The following LRRC25 variants were observed in gnomAD, a reference collection of about 807,000 sequenced individuals.
The protein encoded by LRRC25 is leucine-rich repeat-containing protein 25.
LRRC25 carries 5 observed loss-of-function variants against 18.8 expected under a neutral mutation model. The ratio of observed to expected loss-of-function variants is 0.27; its 90% CI spans 0.14 to 0.56. The LOEUF (loss-of-function observed/expected upper bound fraction) is 0.56, where lower values mean the gene tolerates loss of function less well. Ranked by LOEUF, LRRC25 falls within the 20% of genes least tolerant of loss-of-function variation. The probability of loss-of-function intolerance (pLI) is 0.93; values close to 1 mark genes in which losing one functional copy is unlikely to be tolerated. For missense variants in LRRC25, 341 were observed against 389.8 expected (o/e 0.87, Z 1.05); for synonymous variants, 161 against 176.8 (o/e 0.91, Z 0.71).
chr19:18,394,902 A>AC (rs1205995268), intron 1 of LRRC25, among the ~76,000 whole-genome samples: 2 of 151,684 alleles, frequency 1.3e-5, no homozygotes, highest in African/African-American at 2.4e-5. Flanking sequence ...ATATAGCAAG[A>AC]CCCCCGTCTC....
Position 18,395,869 on chromosome 19 carries a change from C to T in LRRC25, c.779+316G>A, listed in dbSNP as rs201068601. The stretch of plus-strand genomic sequence containing the variant: ...CTCAGTAGCTGGAACCACAGGCGCC[C>T]GCCACCACACCTGGCTAATTTTTGT... On this transcript the variant is annotated intron_variant, in intron 1 of 1. Coordinates refer to ENST00000339007, the MANE Select transcript of LRRC25 (RefSeq NM_145256.3). 4.0e-4 allele frequency among the ~76,000 whole-genome samples: 61 copies of T among 152,188 alleles called. No individual in the cohort carries two copies. In the East Asian group the frequency reaches 0.011, roughly 27 times the overall value.
At chr19:18,395,647 T>C (rs1971958818) in intron 1 of LRRC25, among the ~76,000 whole-genome samples, 1 of 152,158 alleles carries the variant, frequency 6.6e-6, no homozygotes, top group Non-Finnish European at 1.5e-5. Context: ...GTTTGTCCCA[T>C]ATATGGGAAC....
At chr19:18,396,131 G>T in intron 1 of LRRC25, 54 bp downstream of exon 1, 3 of 1,534,192 alleles carry the variant, frequency 2.0e-6, no homozygotes, top group Non-Finnish European at 2.6e-6. Context: ...CGGCCATCTG[G>T]GTGTGGAGCC....
chr19:18,395,187 C>A (rs1016421247), intron 1 of LRRC25, among the ~76,000 whole-genome samples: 1 of 151,944 alleles, frequency 6.6e-6, no homozygotes, highest in South Asian at 2.1e-4. Context: ...CTGGCTAACA[C>A]GGTGAAACCC....
chr19:18,396,358 G>A lies in LRRC25; in HGVS notation c.606C>T (p.Asn202=). 2.5e-6 allele frequency: 4 copies of A among 1,613,812 alleles called. No homozygotes were observed. Among genetic ancestry groups the A allele is most frequent in the Non-Finnish European group, 3.4e-6 (4 of 1,180,006 alleles). The change falls in exon 1 of 2, where the codon AAC becomes AAT. Residue 202 remains asparagine (N), a synonymous_variant. Coordinates refer to ENST00000339007, the MANE Select transcript of LRRC25 (RefSeq NM_145256.3). ...RCRVARSREL[N]KPWAAQDGPK... ...GCCCATCCTGAGCAGCCCAGGGTTT[G>A]TTCAGCTCCCGGCTTCTGGCCACTC... is the stretch of plus-strand genomic sequence containing the variant.
intron 1 of LRRC25, among the ~76,000 whole-genome samples, chr19:18,393,955 T>C (rs891927584): frequency 2.0e-5 from 3 of 152,116 alleles, no homozygotes; most frequent in African/African-American, 7.2e-5. Context: ...CTTTTGCGAG[T>C]CCAGTGTCTT....
intron 1 of LRRC25, among the ~76,000 whole-genome samples, chr19:18,395,370 CAAAAA>C (rs11334806): frequency 9.5e-6 from 1 of 105,696 alleles, no homozygotes; most frequent in Non-Finnish European, 2.0e-5. Flanking sequence ...GACTCCATCT[CAAAAA>C]AAAAAAAAAA....
intron 1 of LRRC25, among the ~76,000 whole-genome samples, chr19:18,393,094 C>T (rs1044646298): frequency 1.3e-5 from 2 of 152,222 alleles, no homozygotes; most frequent in African/African-American, 4.8e-5. Context: ...CACATGCACA[C>T]AAGTGGCTGC....
chr19:18,393,356 C>T (rs556353460), intron 1 of LRRC25, among the ~76,000 whole-genome samples: 117 of 152,350 alleles, frequency 7.7e-4, no homozygotes, highest in African/African-American at 2.6e-3. Flanking sequence ...GGTGCGGTGG[C>T]TCACGCCTAT....
Position 18,396,262 on chromosome 19 carries a change from T to C in LRRC25, c.702A>G (p.Pro234=), listed in dbSNP as rs754244073. The C allele has an allele frequency of 2.5e-6, 4 of 1,613,502 alleles. No homozygotes were observed. The highest frequency in any genetic ancestry group is 2.7e-5 in the African/African-American group (2 of 74,922). ...RSAPKPQVAV[P]SCPSTPDYEN... is the part of the protein sequence containing the mutation. ...CATAGTCGGGAGTGGAGGGGCAGGA[T>C]GGCACGGCCACTTGGGGCTTGGGGG... is the stretch of plus-strand genomic sequence containing the variant. Residue 234 remains proline, a synonymous_variant, in exon 1 of 2, where the codon CCA becomes CCG. Coordinates refer to ENST00000339007, the MANE Select transcript of LRRC25 (RefSeq NM_145256.3).
At position 18,396,609 on chromosome 19, in the gene LRRC25, C is replaced by A. The variant is rs1362822875; in HGVS notation, c.355G>T (p.Ala119Ser). 6.2e-7 allele frequency: 1 copy of A among 1,613,980 alleles called. No individual in the cohort carries two copies. Among genetic ancestry groups the A allele is most frequent in the Admixed American group, 1.7e-5 (1 of 60,024 alleles). The change falls in exon 1 of 2, where the codon GCC becomes TCC. Residue 119 changes from alanine (A) to serine (S), a missense_variant. Ala to Ser is a moderately conservative substitution (Grantham distance 99). Transcript: ENST00000339007. ...CGGATGTCGTGCCAGGACTCCAGGGCACAGTTGCAGTCGGCCTGCAGGTCA... is the reference window on the plus strand; with the variant it reads ...CGGATGTCGTGCCAGGACTCCAGGGAACAGTTGCAGTCGGCCTGCAGGTCA... ...DLDLQADCNC[A>S]LESWHDIRRD...
chr19:18,396,885 C>T lies in LRRC25; in HGVS notation c.79G>A (p.Val27Met), dbSNP rs1021988632. The T allele has an allele frequency of 5.0e-6, 8 of 1,613,492 alleles. No individual in the cohort carries two copies. In the African/African-American group the frequency reaches 6.7e-5, roughly 13 times the overall value. ...TTCCAGTCCACATCCGCGGAGGACA[C>T]GGTGCACGACGGTTCTAGGCTGTCT... is the stretch of plus-strand genomic sequence containing the variant. ...ESDSLEPSCT[V>M]SSADVDWNAE... is the part of the protein sequence containing the mutation. Residue 27 changes from valine to methionine, a missense_variant, in exon 1 of 2, where the codon GTG becomes ATG. By Grantham distance (21) the Val-to-Met change is conservative. Coordinates refer to ENST00000339007, the MANE Select transcript of LRRC25 (RefSeq NM_145256.3).
chr19:18,397,034 C>G lies in LRRC25; in HGVS notation c.-71G>C, dbSNP rs1971981348. ...GCCCTGTGGTCGCCCTCGCCTCCAC[C>G]GCCAGTGTTTATTATTATAGCTCAG... On this transcript the variant is annotated 5_prime_UTR_variant, in exon 1 of 2. Transcript: ENST00000339007. 5 of 1,449,332 alleles carry G rather than the reference C, an allele frequency of 3.4e-6. No individual in the cohort carries two copies. Among genetic ancestry groups the G allele is most frequent in the Non-Finnish European group, 4.6e-6 (5 of 1,076,116 alleles). 89.8% of individuals were successfully genotyped at this position (1,449,332 alleles called of 1,614,324 possible). A position where few individuals can be genotyped will look rare whatever the true frequency, so the allele number is the denominator to read the frequency against.
rs1971903256 is a variant in LRRC25, at chr19:18,391,832, G to A, written c.*155C>T. The stretch of plus-strand genomic sequence containing the variant: ...AGCTGAGGAGCGGCATGAGGGACAG[G>A]GAGGGGGCGGCAGAGCTTCCTGGGG... On this transcript the variant is annotated 3_prime_UTR_variant, in exon 2 of 2. Coordinates refer to ENST00000339007, the MANE Select transcript of LRRC25 (RefSeq NM_145256.3). 1.2e-6 allele frequency: 1 copy of A among 828,610 alleles called. No homozygotes were observed. The highest frequency in any genetic ancestry group is 2.8e-5 in the East Asian group (1 of 35,974). The allele number at this position is 828,610 out of a possible 1,614,324, so 51.3% of individuals were successfully genotyped here. A position where few individuals can be genotyped will look rare whatever the true frequency, so the allele number is the denominator to read the frequency against.
intron 1 of LRRC25, among the ~76,000 whole-genome samples, chr19:18,392,972 AGAGG>A (rs1456172840): frequency 2.0e-5 from 3 of 152,186 alleles, no homozygotes; most frequent in Non-Finnish European, 4.4e-5. Context: ...CCTGGATGAC[AGAGG>A]GAGACCCCGT....
intron 1 of LRRC25, among the ~76,000 whole-genome samples, chr19:18,393,700 G>A (rs1971929657): frequency 6.6e-6 from 1 of 152,138 alleles, no homozygotes; most frequent in Non-Finnish European, 1.5e-5. Flanking sequence ...ACCCCTAAGT[G>A]GTTGTAGGGG....
Position 18,391,196 on chromosome 19 carries a change from G to A in LRRC25, c.*791C>T, listed in dbSNP as rs960466897. Reference sequence around the variant, plus strand: ...TGGGGTTGGTGTGGGCTGCTCTGGAGGCCAAGCCTGGAGATCAGGGACCTG... The same window carrying A: ...TGGGGTTGGTGTGGGCTGCTCTGGAAGCCAAGCCTGGAGATCAGGGACCTG... On this transcript the variant is annotated 3_prime_UTR_variant, in exon 2 of 2. Transcript: ENST00000339007. 2.6e-5 allele frequency: 4 copies of A among 152,216 alleles called. No homozygotes were observed. Among genetic ancestry groups the A allele is most frequent in the African/African-American group, 7.2e-5 (3 of 41,424 alleles). The allele number at this position is 152,216 out of a possible 1,614,324, so 9.4% of individuals were successfully genotyped here. A position where few individuals can be genotyped will look rare whatever the true frequency, so the allele number is the denominator to read the frequency against.
Position 18,396,173 on chromosome 19 carries a change from T to G in LRRC25, c.779+12A>C. ...TTCACCACTTTGGCAGGTGTCTCAG[T>G]GGCTTACTTACCCTTGTTCATCCCA... On this transcript the variant is annotated intron_variant, in intron 1 of 1. Coordinates refer to ENST00000339007, the MANE Select transcript of LRRC25 (RefSeq NM_145256.3). 6.3e-7 allele frequency: 1 copy of G among 1,575,112 alleles called. No individual in the cohort carries two copies. The highest frequency in any genetic ancestry group is 8.7e-7 in the Non-Finnish European group (1 of 1,155,130).
chr19:18,395,945 T>A (rs915156217), intron 1 of LRRC25, among the ~76,000 whole-genome samples: 3 of 152,130 alleles, frequency 2.0e-5, no homozygotes, highest in African/African-American at 7.2e-5. Context: ...GGTCTCAAAC[T>A]CCTGACTTCA....
Sources: gnomAD v4.1 joint callset for allele counts (sites outside exome capture counted in the v4.1 genomes callset) on GRCh38, gnomAD v4.1.1 for gene constraint, MANE v1.5 for transcripts, NCBI Gene and HGNC (gene_info 2026-07-23, HGNC 2026-07-21) for gene names.